WARS1: variants seen among roughly 807,000 people sequenced by gnomAD.
WARS1 encodes tryptophan--tRNA ligase, cytoplasmic.
A neutral mutation model predicts 47.8 loss-of-function variants in WARS1; 17 were observed. That is an observed-to-expected ratio of 0.36 (90% CI 0.24 to 0.53). The LOEUF is 0.53. Ranked by LOEUF, WARS1 falls within the 20% of genes least tolerant of loss-of-function variation. WARS1 has a pLI of 0.91. For missense variants in WARS1, 434 were observed against 608.0 expected (o/e 0.71, Z 3.01); for synonymous variants, 208 against 228.1 (o/e 0.91, Z 0.79).
At chr14:100,342,914 T>C (rs549593105) in intron 8 of WARS1, among the ~76,000 whole-genome samples, 1 of 152,268 alleles carries the variant, frequency 6.6e-6, no homozygotes, top group South Asian at 2.1e-4. Flanking sequence ...TTTCCTTTTT[T>C]TTGAGACAGA....
chr14:100,339,128 C>CACAT (rs1555377676), intron 9 of WARS1, among the ~76,000 whole-genome samples: 29 of 139,350 alleles, frequency 2.1e-4, no homozygotes, highest in African/African-American at 7.1e-4. Flanking sequence ...CACACATACA[C>CACAT]ACACACACAC....
At chr14:100,354,285 G>T in intron 5 of WARS1, 162 bp downstream of exon 5, 1 of 1,017,842 alleles carries the variant, frequency 9.8e-7, no homozygotes, top group Non-Finnish European at 1.4e-6. Flanking sequence ...TCTAAAGTGA[G>T]CCCAGGAACA....
At chr14:100,347,181 T>C (rs1894677619) in intron 6 of WARS1, among the ~76,000 whole-genome samples, 1 of 152,164 alleles carries the variant, frequency 6.6e-6, no homozygotes, top group Non-Finnish European at 1.5e-5. Flanking sequence ...TCTGCCAGGG[T>C]CAGCAGTTCA....
intron 9 of WARS1, among the ~76,000 whole-genome samples, chr14:100,337,411 T>TG (rs1893821805): frequency 6.6e-6 from 1 of 152,066 alleles, no homozygotes; most frequent in African/African-American, 2.4e-5. Flanking sequence ...TGAGCTACTG[T>TG]GGGGCTCACT....
intron 1 of WARS1, chr14:100,370,451 T>C (rs1896278086): frequency 6.6e-6 from 1 of 152,228 alleles, no homozygotes; most frequent in South Asian, 2.1e-4. Flanking sequence ...TTACGAGTGC[T>C]GTTATTAAAT....
intron 10 of WARS1, among the ~76,000 whole-genome samples, chr14:100,336,047 G>C (rs185496372): frequency 1.3e-5 from 2 of 151,790 alleles, no homozygotes; most frequent in Admixed American, 1.3e-4. Flanking sequence ...AGGCCAAGGC[G>C]GGTGGATCAC....
chr14:100,363,590 G>A (rs915134802), intron 2 of WARS1, among the ~76,000 whole-genome samples: 10 of 152,098 alleles, frequency 6.6e-5, no homozygotes, highest in Admixed American at 3.3e-4. Context: ...CTAGCTCATC[G>A]GGAGGCTGAA....
rs2139921463 is a variant in WARS1 at position 100,342,542 on chromosome 14, G to A, written c.969C>T (p.Val323=). The A allele has an allele frequency of 4.3e-6, 7 of 1,612,528 alleles. No individual in the cohort carries two copies. In the South Asian group the frequency reaches 6.6e-5, roughly 15 times the overall value. ...GTTTAGGATAGCCGATCCTGGGGGC[G>A]ACGTCCCTTGTCATTCTAAAGTAAG... ...QDPYFRMTRD[V]APRIGYPKPA... The change falls in exon 9 of 11, where the codon GTC becomes GTT. Residue 323 remains valine (V), a synonymous_variant. Coordinates refer to ENST00000392882, the MANE Select transcript of WARS1 (RefSeq NM_004184.4).
At chr14:100,366,637 A>G (rs1896014702) in intron 2 of WARS1, 1 of 761,398 alleles carries the variant, frequency 1.3e-6, no homozygotes, top group Non-Finnish European at 2.4e-6. Context: ...TGGCCCATGG[A>G]CATGGACATG....
chr14:100,338,074 T>G (rs1337527360), intron 9 of WARS1, among the ~76,000 whole-genome samples: 1 of 151,900 alleles, frequency 6.6e-6, no homozygotes, highest in Non-Finnish European at 1.5e-5. Context: ...AGAAGTGCTG[T>G]GCAGGGAGAG....
At chr14:100,357,999 T>C (rs1167572658) in intron 4 of WARS1, among the ~76,000 whole-genome samples, 2 of 152,226 alleles carry the variant, frequency 1.3e-5, no homozygotes, top group African/African-American at 4.8e-5. Context: ...CAAATGAATC[T>C]ACAGATTCAG....
chr14:100,337,699 A>AC (rs1261951058), intron 9 of WARS1, among the ~76,000 whole-genome samples: 1 of 150,938 alleles, frequency 6.6e-6, no homozygotes, highest in Admixed American at 6.6e-5. Flanking sequence ...AAAAAAAAAA[A>AC]AAAAAAGGAA....
chr14:100,346,379 T>G (rs1236672593), intron 7 of WARS1, among the ~76,000 whole-genome samples: 1 of 152,172 alleles, frequency 6.6e-6, no homozygotes, highest in Admixed American at 6.5e-5. Context: ...GCTGTCCTTC[T>G]TCATCACCCC....
chr14:100,358,193 C>T (rs553725657), intron 4 of WARS1, among the ~76,000 whole-genome samples: 13 of 152,178 alleles, frequency 8.5e-5, no homozygotes, highest in East Asian at 3.9e-4. Context: ...AGTGCAGTGG[C>T]GCGATCTCGG....
rs761932861 is a variant in WARS1, at chr14:100,342,529, C to T, written c.982G>A (p.Gly328Ser). The T allele has an allele frequency of 1.8e-5, 29 of 1,613,114 alleles. No homozygotes were observed. The highest frequency in any genetic ancestry group is 2.2e-5 in the Non-Finnish European group (26 of 1,179,766). The change falls in exon 9 of 11, where the codon GGC becomes AGC. Residue 328 changes from glycine (G) to serine (S), a missense_variant. Around this residue, in one of 2 missense-constraint regions of WARS1, gnomAD observed 347 missense variants for 523.8 expected, o/e 0.66. Transcript: ENST00000392882. ...RMTRDVAPRI[G>S]YPKPALLHST... ...TGCAGCAGGGCTGGTTTAGGATAGC[C>T]GATCCTGGGGGCGACGTCCCTTGTC... is the stretch of plus-strand genomic sequence containing the variant.
chr14:100,341,107 A>G (rs11627197), intron 9 of WARS1, among the ~76,000 whole-genome samples: 114,136 of 151,668 alleles, frequency 0.75, 43,508 homozygotes, highest in East Asian at 0.87. Context: ...TAGAGACAGG[A>G]GTTTCACCAT....
intron 9 of WARS1, chr14:100,340,145 C>T (rs1272646332): frequency 6.6e-6 from 1 of 152,230 alleles, no homozygotes; most frequent in Non-Finnish European, 1.5e-5. Flanking sequence ...GCTCCTGGGA[C>T]ACCAGGCTTC....
At chr14:100,364,601 G>A (rs966349849) in intron 2 of WARS1, among the ~76,000 whole-genome samples, 2 of 152,166 alleles carry the variant, frequency 1.3e-5, no homozygotes, top group African/African-American at 2.4e-5. Context: ...CTTAACTCTG[G>A]TCTCATTGTG....
intron 2 of WARS1, among the ~76,000 whole-genome samples, chr14:100,362,383 C>G (rs1454253128): frequency 3.3e-5 from 5 of 152,090 alleles, no homozygotes; most frequent in African/African-American, 1.2e-4. Flanking sequence ...TTTACGTTAA[C>G]TTAACCAATG....
Sources: allele counts gnomAD v4.1 joint callset (sites outside exome capture counted in the v4.1 genomes callset), GRCh38; gene constraint gnomAD v4.1.1; regional missense constraint gnomAD v4.1.1; transcripts MANE v1.5; gene names NCBI Gene and HGNC (gene_info 2026-07-23, HGNC 2026-07-21).